Variants in SLC24A2 observed in about 807,000 individuals in gnomAD.
The protein encoded by SLC24A2 is sodium/potassium/calcium exchanger 2.
A neutral mutation model predicts 62.0 loss-of-function variants in SLC24A2; 36 were observed. The ratio of observed to expected loss-of-function variants is 0.58; its 90% confidence interval spans 0.44 to 0.77. The LOEUF is 0.77. SLC24A2 is among the 30% of genes least tolerant of loss of function. The pLI, the probability that SLC24A2 is intolerant of heterozygous loss-of-function variation, is 0.00. For missense variants in SLC24A2, 846 were observed against 817.9 expected (o/e 1.03, Z -0.42); for synonymous variants, 358 against 294.0 (o/e 1.22, Z -2.23).
At chr9:19,729,070 A>G (rs996724724) in intron 2 of SLC24A2, among the ~76,000 whole-genome samples, 1 of 152,174 alleles carries the variant, frequency 6.6e-6, no homozygotes, top group Non-Finnish European at 1.5e-5. Context: ...ATGAATAAGA[A>G]TAAGAGGAAC....
intron 3 of SLC24A2, 118 bp from the exon 4 acceptor site, chr9:19,619,810 G>C (rs1817866747): frequency 1.3e-6 from 1 of 780,924 alleles, no homozygotes; most frequent in Non-Finnish European, 2.2e-6. Flanking sequence ...ACACAGTATT[G>C]AGCCAAAGAT....
the SLC24A2 span, among the ~76,000 whole-genome samples, chr9:20,228,874 G>C: frequency 6.6e-6 from 1 of 152,140 alleles, no homozygotes; most frequent in East Asian, 1.9e-4. Flanking sequence ...ACAGACACTG[G>C]TAAATGGAGG....
chr9:20,272,352 T>A, the SLC24A2 span, among the ~76,000 whole-genome samples: 1 of 152,062 alleles, frequency 6.6e-6, no homozygotes, highest in Non-Finnish European at 1.5e-5. Context: ...TGTTTTAGAG[T>A]CTCATAGTTC....
intron 2 of SLC24A2, among the ~76,000 whole-genome samples, chr9:19,719,558 G>A (rs1221469212): frequency 2.0e-5 from 3 of 152,268 alleles, no homozygotes; most frequent in African/African-American, 7.2e-5. Flanking sequence ...CTCCATTAAC[G>A]ATAGAGGAGA....
At chr9:19,589,181 G>C (rs921487113) in intron 5 of SLC24A2, among the ~76,000 whole-genome samples, 1 of 152,164 alleles carries the variant, frequency 6.6e-6, no homozygotes, top group Non-Finnish European at 1.5e-5. Context: ...ATGTAGCATT[G>C]TTGTAATAAC....
chr9:19,802,335 A>T, the SLC24A2 span, among the ~76,000 whole-genome samples: 1 of 152,218 alleles, frequency 6.6e-6, no homozygotes, highest in African/African-American at 2.4e-5. Context: ...TTTCATAGCT[A>T]CTGTGTTGTA....
At chr9:19,737,713 T>TA (rs1821551298) in intron 2 of SLC24A2, among the ~76,000 whole-genome samples, 1 of 152,062 alleles carries the variant, frequency 6.6e-6, no homozygotes, top group East Asian at 1.9e-4. Context: ...CATTATACGT[T>TA]AAAATTAAAG....
At chr9:19,767,179 T>A in intron 2 of SLC24A2, among the ~76,000 whole-genome samples, 1 of 152,196 alleles carries the variant, frequency 6.6e-6, no homozygotes, top group East Asian at 1.9e-4. Context: ...GACTTCAGAC[T>A]GCTGTGCTGG....
chr9:19,508,604 G>C lies in SLC24A2; in HGVS notation c.*7549C>G, dbSNP rs1168728559. 6.6e-6 allele frequency: 1 copy of C among 152,118 alleles called. No homozygotes were observed. Among genetic ancestry groups the C allele is most frequent in the Non-Finnish European group, 1.5e-5 (1 of 68,050 alleles). 9.4% of individuals were successfully genotyped at this position (152,118 alleles called of 1,614,324 possible). ...GCCCAGGAGTTTGAGACCAGCCTGG[G>C]TAACATAGTGAGACTCCATCTCTTA... On this transcript the variant is annotated 3_prime_UTR_variant, in exon 11 of 11. Coordinates refer to ENST00000341998, the MANE Select transcript of SLC24A2 (RefSeq NM_020344.4).
At chr9:20,235,810 C>A in the SLC24A2 span, among the ~76,000 whole-genome samples, 59 of 152,234 alleles carry the variant, frequency 3.9e-4, 1 homozygote, top group African/African-American at 1.3e-3. Context: ...AATCACCCAT[C>A]TTCTGTGTCG....
chr9:19,776,620 A>C (rs1414493004), intron 2 of SLC24A2, among the ~76,000 whole-genome samples: 3 of 152,162 alleles, frequency 2.0e-5, no homozygotes, highest in African/African-American at 7.2e-5. Context: ...TTGTTCTTCC[A>C]TCTGTCTGGA....
At chr9:19,793,950 T>C (rs1028630377), upstream of SLC24A2, among the ~76,000 whole-genome samples, 2 of 152,252 alleles carry the variant, frequency 1.3e-5, no homozygotes, top group Non-Finnish European at 2.9e-5. Flanking sequence ...AGAAATGTTC[T>C]CCTCAGGCCT....
At chr9:20,016,045 A>G in the SLC24A2 span, among the ~76,000 whole-genome samples, 18 of 152,336 alleles carry the variant, frequency 1.2e-4, no homozygotes, top group South Asian at 6.2e-4. Flanking sequence ...GTACATCACA[A>G]TTTTACTAAT....
At chr9:19,573,747 C>T (rs1345329187) in intron 6 of SLC24A2, among the ~76,000 whole-genome samples, 1 of 152,112 alleles carries the variant, frequency 6.6e-6, no homozygotes, top group Non-Finnish European at 1.5e-5. Flanking sequence ...AGCGCCCTGG[C>T]TTCCTGCTCT....
the SLC24A2 span, among the ~76,000 whole-genome samples, chr9:19,896,318 G>C: frequency 6.6e-6 from 1 of 152,218 alleles, no homozygotes; most frequent in Non-Finnish European, 1.5e-5. Flanking sequence ...CATATGAAAT[G>C]TGAAACAGCT....
chr9:20,007,890 T>C, the SLC24A2 span, among the ~76,000 whole-genome samples: 1 of 97,122 alleles, frequency 1.0e-5, no homozygotes, highest in Non-Finnish European at 2.1e-5. Context: ...TTTTTTTTTT[T>C]TTTTTTTTTT....
At chr9:19,571,604 T>C (rs1835839972) in intron 7 of SLC24A2, among the ~76,000 whole-genome samples, 1 of 152,192 alleles carries the variant, frequency 6.6e-6, no homozygotes, top group Admixed American at 6.5e-5. Context: ...CTGCAGACTC[T>C]AGGCCTCATG....
At chr9:19,753,507 A>C (rs1400378733) in intron 2 of SLC24A2, among the ~76,000 whole-genome samples, 2 of 152,200 alleles carry the variant, frequency 1.3e-5, no homozygotes, top group African/African-American at 2.4e-5. Flanking sequence ...CACAAAACTA[A>C]TCTTTATTTT....
At chr9:20,162,465 C>A in the SLC24A2 span, among the ~76,000 whole-genome samples, 188 of 152,038 alleles carry the variant, frequency 1.2e-3, 1 homozygote, top group Non-Finnish European at 5.4e-4. Flanking sequence ...CAATAACAGG[C>A]TCTGAAATTG....
Sources: gnomAD v4.1 joint callset for allele counts (sites outside exome capture counted in the v4.1 genomes callset) on GRCh38, gnomAD v4.1.1 for gene constraint, MANE v1.5 for transcripts, NCBI Gene and HGNC (gene_info 2026-07-23, HGNC 2026-07-21) for gene names.